The following WNK2 variants were observed in gnomAD, a reference collection of about 807,000 sequenced individuals.
WNK2 encodes serine/threonine-protein kinase WNK2.
Under a neutral mutation model 192.1 loss-of-function variants are expected in WNK2, and 67 were observed. The observed-to-expected ratio is 0.35, with a 90% CI of 0.29 to 0.43. WNK2 has a LOEUF of 0.43. WNK2 is among the 20% of genes least tolerant of loss of function. The probability of loss-of-function intolerance (pLI) is 1.00; values close to 1 mark genes in which losing one functional copy is unlikely to be tolerated. For missense variants in WNK2, 2,698 were observed against 3,089.7 expected (o/e 0.87, Z 3.01); for synonymous variants, 1,439 against 1,393.9 (o/e 1.03, Z -0.72).
chr9:93,195,631 G>A (rs1831099047), intron 2 of WNK2, among the ~76,000 whole-genome samples: 1 of 141,466 alleles, frequency 7.1e-6, no homozygotes, highest in African/African-American at 2.6e-5. Context: ...CCCAGGAGGT[G>A]GAGGTTGCAG....
At chr9:93,303,322 G>C (rs537381191) in intron 26 of WNK2, among the ~76,000 whole-genome samples, 7 of 152,302 alleles carry the variant, frequency 4.6e-5, no homozygotes, top group Non-Finnish European at 8.8e-5. Flanking sequence ...CTGCTTGTCA[G>C]AAGCTGGGGT....
chr9:93,185,727 A>G, intron 2 of WNK2, 117 bp downstream of exon 2: 1 of 1,208,152 alleles, frequency 8.3e-7, no homozygotes, highest in Non-Finnish European at 1.2e-6. Context: ...GCGGGGCTCC[A>G]TGTGTGTCAC....
intron 19 of WNK2, among the ~76,000 whole-genome samples, chr9:93,275,109 A>G (rs1588371135): frequency 6.6e-6 from 1 of 152,196 alleles, no homozygotes; most frequent in African/African-American, 2.4e-5. Flanking sequence ...GGAGAGCAAT[A>G]TTGAAGAGTC....
chr9:93,279,489 T>C (rs1285737414), intron 19 of WNK2, among the ~76,000 whole-genome samples: 4 of 152,172 alleles, frequency 2.6e-5, no homozygotes, highest in African/African-American at 7.2e-5. Flanking sequence ...ATTGTTACAG[T>C]GCTAATTCTC....
At chr9:93,308,924 A>G (rs1165190368) in intron 28 of WNK2, 3 of 1,140,400 alleles carry the variant, frequency 2.6e-6, no homozygotes, top group African/African-American at 3.2e-5. Context: ...AGACAGGCCC[A>G]CCTCTGCCTG....
chr9:93,207,352 G>T (rs983872609), intron 2 of WNK2, among the ~76,000 whole-genome samples: 2 of 152,154 alleles, frequency 1.3e-5, no homozygotes, highest in East Asian at 3.9e-4. Flanking sequence ...TGGTGGGGGG[G>T]CCTTGTCCAC....
chr9:93,319,446 G>GC, intron 29 of WNK2: 1 of 980,574 alleles, frequency 1.0e-6, no homozygotes, highest in Non-Finnish European at 1.2e-6. Context: ...TGTGGCCTGG[G>GC]CCCCGAGCAC....
intron 2 of WNK2, among the ~76,000 whole-genome samples, chr9:93,187,734 A>G (rs1829598347): frequency 6.6e-6 from 1 of 151,876 alleles, no homozygotes. Flanking sequence ...AGAGTGGTGT[A>G]GGCTGACTTT....
intron 7 of WNK2, among the ~76,000 whole-genome samples, chr9:93,246,863 C>T (rs994372862): frequency 2.6e-5 from 4 of 152,236 alleles, no homozygotes; most frequent in African/African-American, 7.2e-5. Context: ...TTTGTGGTCA[C>T]TACAACTGCA....
chr9:93,240,815 CAT>C (rs1270801821), intron 7 of WNK2, among the ~76,000 whole-genome samples: 1 of 152,196 alleles, frequency 6.6e-6, no homozygotes, highest in East Asian at 1.9e-4. Context: ...CCACTGCCCA[CAT>C]GTGCTATTAA....
chr9:93,317,480 G>A, intron 28 of WNK2, 40 bp from the exon 29 acceptor site: 1 of 1,602,938 alleles, frequency 6.2e-7, no homozygotes, highest in Non-Finnish European at 8.5e-7. Context: ...GCTGATTGCA[G>A]CCACGTGTAC....
chr9:93,247,609 G>A lies in WNK2; in HGVS notation c.1609G>A (p.Ala537Thr). The stretch of plus-strand genomic sequence containing the variant: ...GGCCAAGTCCATCCGTGACCGCGTG[G>A]CCTTGATCCAGTGGCGGCGGGAGAG... ...IVAKSIRDRVALIQWRRERIW... is the reference protein window; with the variant it reads ...IVAKSIRDRVTLIQWRRERIW... The change falls in exon 8 of 30, where the codon GCC becomes ACC. Residue 537 changes from alanine to threonine, a missense_variant. Physicochemically the swap from Ala to Thr is moderately conservative, Grantham distance 58. Coordinates refer to ENST00000427277, the MANE Select transcript of WNK2 (RefSeq NM_006648.4). This position sits in a 1 kb window ranked among gnomAD's most constrained non-coding sequence, Gnocchi z 5.2. 6.2e-7 allele frequency: 1 copy of A among 1,604,916 alleles called. No homozygotes were observed. Among genetic ancestry groups the A allele is most frequent in the Non-Finnish European group, 8.5e-7 (1 of 1,176,154 alleles).
chr9:93,185,360 G>GGGA lies in WNK2; in HGVS notation c.437_439dup (p.Glu146dup), dbSNP rs1455724036. On this transcript the variant is annotated inframe_insertion, in exon 2 of 30. Coordinates refer to ENST00000427277, the MANE Select transcript of WNK2 (RefSeq NM_006648.4). Reference sequence around the variant, plus strand: ...GCGCCTGCCCCCGACGGCGGCCCCAGGGAGGAGGCGGCGGCGACCGTGAGG... The same window carrying GGGA: ...GCGCCTGCCCCCGACGGCGGCCCCAGGGAGGAGGAGGCGGCGGCGACCGTGAGG... 5.7e-6 allele frequency: 9 copies of GGGA among 1,567,972 alleles called. No homozygotes were observed. In the Admixed American group the frequency reaches 1.1e-4, roughly 20 times the overall value.
rs199637508 is a variant in WNK2, at chr9:93,293,704, G to T, written c.5708+531G>T. Among the ~76,000 whole-genome samples, 13 of 152,154 alleles carry T rather than the reference G, an allele frequency of 8.5e-5. No homozygotes were observed. In the East Asian group the frequency reaches 2.3e-3, roughly 27 times the overall value. On this transcript the variant is annotated intron_variant, in intron 23 of 29. Coordinates refer to ENST00000427277, the MANE Select transcript of WNK2 (RefSeq NM_006648.4). ...CACCCTGCTGTCTGCTTGGCTTCTGGCTTCTCTGGGTGCCATGCCTCCTCC... is the reference window on the plus strand; with the variant it reads ...CACCCTGCTGTCTGCTTGGCTTCTGTCTTCTCTGGGTGCCATGCCTCCTCC...
intron 28 of WNK2, among the ~76,000 whole-genome samples, chr9:93,314,426 G>A (rs1431416958): frequency 2.0e-5 from 3 of 147,020 alleles, no homozygotes; most frequent in Non-Finnish European, 3.0e-5. Context: ...CCAGCCTGGC[G>A]ACAGAGCAAG....
At chr9:93,213,273 G>A (rs1835116774) in intron 2 of WNK2, among the ~76,000 whole-genome samples, 1 of 152,166 alleles carries the variant, frequency 6.6e-6, no homozygotes, top group Non-Finnish European at 1.5e-5. Flanking sequence ...CAGGGGTGGT[G>A]GGCTCTGAGT....
chr9:93,252,635 G>T (rs182270071), intron 8 of WNK2, among the ~76,000 whole-genome samples: 1 of 152,342 alleles, frequency 6.6e-6, no homozygotes, highest in East Asian at 1.9e-4. Context: ...CCTTGTGGGA[G>T]GATTGGCACG....
intron 2 of WNK2, among the ~76,000 whole-genome samples, chr9:93,202,497 A>C (rs565724828): frequency 2.6e-5 from 4 of 151,964 alleles, no homozygotes; most frequent in Non-Finnish European, 5.9e-5. Context: ...CGGCCCTACC[A>C]GGGGAGAGGA....
chr9:93,233,827 T>G (rs1839338438), intron 4 of WNK2, among the ~76,000 whole-genome samples: 1 of 152,164 alleles, frequency 6.6e-6, no homozygotes, highest in South Asian at 2.1e-4. Context: ...TTGAAGACCT[T>G]CCAAAGTCAA....
Sources: allele counts gnomAD v4.1 joint callset (sites outside exome capture counted in the v4.1 genomes callset), GRCh38; gene constraint gnomAD v4.1.1; non-coding constraint Gnocchi (gnomAD v3.1); transcripts MANE v1.5; gene names NCBI Gene and HGNC (gene_info 2026-07-23, HGNC 2026-07-21).